Variants in ARHGEF28 observed in about 807,000 individuals in gnomAD.
ARHGEF28 encodes 190 kDa guanine nucleotide exchange factor.
Under a neutral mutation model 206.6 loss-of-function variants are expected in ARHGEF28, and 152 were observed. The observed-to-expected ratio is 0.74, with a 90% confidence interval of 0.64 to 0.84. The LOEUF (loss-of-function observed/expected upper bound fraction) is 0.84, where lower values mean the gene tolerates loss of function less well. ARHGEF28 is among the 40% of genes least tolerant of loss of function. The probability of loss-of-function intolerance (pLI) is 0.00; values close to 1 mark genes in which losing one functional copy is unlikely to be tolerated. For synonymous variants in ARHGEF28, 763 were observed against 776.4 expected, an observed-to-expected ratio of 0.98 and a Z score of 0.29; for missense variants, 2,028 against 2,073.2, an observed-to-expected ratio of 0.98 and a Z score of 0.42.
intron 2 of ARHGEF28, among the ~76,000 whole-genome samples, chr5:73,707,910 T>G (rs1240829249): frequency 6.6e-6 from 1 of 152,144 alleles, no homozygotes; most frequent in Non-Finnish European, 1.5e-5. Flanking sequence ...TATTACTGAT[T>G]TTTTTTATTC....
chr5:73,745,584 T>A (rs1231079114), intron 2 of ARHGEF28, among the ~76,000 whole-genome samples: 1 of 152,072 alleles, frequency 6.6e-6, no homozygotes, highest in African/African-American at 2.4e-5. Flanking sequence ...CCTGATTCTT[T>A]GTGTGTATTT....
chr5:73,821,089 G>A (rs1030010986), intron 9 of ARHGEF28, among the ~76,000 whole-genome samples: 5 of 151,990 alleles, frequency 3.3e-5, no homozygotes, highest in African/African-American at 4.8e-5. Context: ...TATGAATGTT[G>A]ACAAATCCCA....
chr5:73,901,804 T>C (rs2112708537), intron 31 of ARHGEF28: 1 of 152,954 alleles, frequency 6.5e-6, no homozygotes, highest in Admixed American at 6.5e-5. Flanking sequence ...AGTTTTTGCT[T>C]GGGGCACAGC....
chr5:73,641,596 A>G (rs907102760), intron 1 of ARHGEF28, among the ~76,000 whole-genome samples: 1 of 152,162 alleles, frequency 6.6e-6, no homozygotes, highest in African/African-American at 2.4e-5. Flanking sequence ...ATTTTTAAAA[A>G]TTATCGCATC....
At chr5:73,829,541 G>A (rs2973576) in intron 9 of ARHGEF28, among the ~76,000 whole-genome samples, 47,216 of 151,780 alleles carry the variant, frequency 0.31, 9,104 homozygotes, top group East Asian at 0.54. Flanking sequence ...CACCATGCCC[G>A]GCTAATTTTT....
chr5:73,791,812 C>CAA (rs1754500749), intron 7 of ARHGEF28, among the ~76,000 whole-genome samples: 1 of 151,968 alleles, frequency 6.6e-6, no homozygotes, highest in Non-Finnish European at 1.5e-5. Context: ...TCAAGTTTGG[C>CAA]AAGTCTGATT....
intron 1 of ARHGEF28, among the ~76,000 whole-genome samples, chr5:73,653,848 T>G (rs1162530634): frequency 6.6e-6 from 1 of 152,190 alleles, no homozygotes; most frequent in Non-Finnish European, 1.5e-5. Flanking sequence ...GCACTTCTAC[T>G]CTGTGTTTTC....
chr5:73,633,280 C>T (rs1489249758), intron 1 of ARHGEF28, among the ~76,000 whole-genome samples: 1 of 152,164 alleles, frequency 6.6e-6, no homozygotes, highest in Admixed American at 6.5e-5. Flanking sequence ...CTGTACTGGT[C>T]TTTGGCCCCA....
intron 27 of ARHGEF28, among the ~76,000 whole-genome samples, chr5:73,892,891 T>C (rs541554989): frequency 3.3e-5 from 5 of 152,320 alleles, no homozygotes; most frequent in African/African-American, 9.6e-5. Context: ...GGCACCCCAC[T>C]TCTATCCTTT....
At chr5:73,725,812 T>C (rs1750237391) in intron 2 of ARHGEF28, among the ~76,000 whole-genome samples, 1 of 152,202 alleles carries the variant, frequency 6.6e-6, no homozygotes, top group Non-Finnish European at 1.5e-5. Flanking sequence ...GACATTTGAC[T>C]GGACAATGAG....
intron 2 of ARHGEF28, among the ~76,000 whole-genome samples, chr5:73,729,029 G>T (rs954764009): frequency 6.6e-6 from 1 of 152,216 alleles, no homozygotes; most frequent in Non-Finnish European, 1.5e-5. Context: ...CTGACCCACA[G>T]TTGTGGATAG....
At chr5:73,700,195 T>C (rs1174067173) in intron 2 of ARHGEF28, among the ~76,000 whole-genome samples, 1 of 152,228 alleles carries the variant, frequency 6.6e-6, no homozygotes, top group Non-Finnish European at 1.5e-5. Context: ...AAGATATCTA[T>C]GAAATATGGT....
chr5:73,694,453 G>A (rs1264343255), intron 2 of ARHGEF28, among the ~76,000 whole-genome samples: 20 of 152,280 alleles, frequency 1.3e-4, no homozygotes, highest in East Asian at 1.9e-4. Context: ...TGAAGTAGCC[G>A]ATATTTTTGT....
At chr5:73,914,483 A>G (rs1468241628) in intron 35 of ARHGEF28, among the ~76,000 whole-genome samples, 1 of 132,638 alleles carries the variant, frequency 7.5e-6, no homozygotes, top group African/African-American at 2.9e-5. Context: ...TGCAACCTCC[A>G]CCTCCCGAGT....
chr5:73,928,431 C>CA (rs550295006), intron 35 of ARHGEF28, among the ~76,000 whole-genome samples: 11 of 151,942 alleles, frequency 7.2e-5, no homozygotes, highest in African/African-American at 1.9e-4. Flanking sequence ...ACAACAACAG[C>CA]AAAAAAATTA....
intron 20 of ARHGEF28, among the ~76,000 whole-genome samples, chr5:73,869,440 A>T (rs1332265852): frequency 1.3e-5 from 2 of 152,222 alleles, no homozygotes; most frequent in African/African-American, 4.8e-5. Flanking sequence ...CTGTAGACAC[A>T]TTATGGACTC....
chr5:73,868,981 A>G (rs1316040297), intron 20 of ARHGEF28, among the ~76,000 whole-genome samples: 1 of 152,148 alleles, frequency 6.6e-6, no homozygotes, highest in Non-Finnish European at 1.5e-5. Flanking sequence ...TTTATAGAGC[A>G]GGACTTAATC....
chr5:73,875,857 G>A (rs954177736), intron 22 of ARHGEF28, among the ~76,000 whole-genome samples: 23 of 152,306 alleles, frequency 1.5e-4, no homozygotes, highest in African/African-American at 4.1e-4. Context: ...GTAGTGTGAT[G>A]CCTCCACCTT....
rs181180234 is a variant in ARHGEF28 at position 73,636,248 on chromosome 5, G to A, written c.-12+9926G>A. On this transcript the variant is annotated intron_variant, in intron 1 of 35. Transcript: ENST00000513042. The stretch of plus-strand genomic sequence containing the variant: ...ATGAACCCTCTAGGTTATCTTCTTC[G>A]TATCTACAGAAAGTCCCAAATTAAC... Among the ~76,000 whole-genome samples the A allele has an allele frequency of 3.1e-4, 47 of 152,210 alleles. No homozygotes were observed. In the East Asian group the frequency reaches 4.2e-3, roughly 14 times the overall value.
Sources: gnomAD v4.1 joint callset for allele counts (sites outside exome capture counted in the v4.1 genomes callset) on GRCh38, gnomAD v4.1.1 for gene constraint, MANE v1.5 for transcripts, NCBI Gene and HGNC (gene_info 2026-07-23, HGNC 2026-07-21) for gene names.